The following BRWD1 variants were observed in gnomAD, a reference collection of about 807,000 sequenced individuals.
The protein encoded by BRWD1 is bromodomain and WD repeat-containing protein 1.
A neutral mutation model predicts 251.2 loss-of-function variants in BRWD1; 82 were observed. The ratio of observed to expected loss-of-function variants is 0.33; its 90% CI spans 0.27 to 0.39. The LOEUF is 0.39. Ranked by LOEUF, BRWD1 falls within the 10% of genes least tolerant of loss-of-function variation. The pLI is 1.00. For synonymous variants in BRWD1, 918 were observed against 902.8 expected (o/e 1.02, Z -0.30); for missense variants, 2,233 against 2,711.6 (o/e 0.82, Z 3.92).
intron 12 of BRWD1, among the ~76,000 whole-genome samples, chr21:39,275,950 T>G (rs981089753): frequency 1.3e-5 from 2 of 152,054 alleles, no homozygotes; most frequent in Non-Finnish European, 2.9e-5. Context: ...AAGATTAACT[T>G]GAACCCAAGA....
Position 39,185,484 on chromosome 21 carries a change from A to C in BRWD1, c.*10775T>G, listed in dbSNP as rs2031180714. Reference sequence around the variant, plus strand: ...TCAAAAATCAAACCCCATGCACCTAAAAGTAATAGCAGTTTATTAGGAATT... The same window carrying C: ...TCAAAAATCAAACCCCATGCACCTACAAGTAATAGCAGTTTATTAGGAATT... On this transcript the variant is annotated 3_prime_UTR_variant, in exon 41 of 41. Coordinates refer to ENST00000342449, the MANE Select transcript of BRWD1 (RefSeq NM_033656.4). 6.6e-6 allele frequency: 1 copy of C among 151,716 alleles called. No individual in the cohort carries two copies. Among genetic ancestry groups the C allele is most frequent in the Non-Finnish European group, 1.5e-5 (1 of 67,880 alleles). 9.4% of individuals were successfully genotyped at this position (151,716 alleles called of 1,614,324 possible). A position where few individuals can be genotyped will look rare whatever the true frequency, so the allele number is the denominator to read the frequency against.
Position 39,192,326 on chromosome 21 carries a change from A to G in BRWD1, c.*3933T>C. ...AACATTTGCTAATCTAGTTGGACTC[A>G]GTTTTTCCCACAATGCTCTATTTTC... On this transcript the variant is annotated 3_prime_UTR_variant, in exon 41 of 41. Transcript: ENST00000342449. The G allele has an allele frequency of 6.1e-6, 6 of 985,288 alleles. No homozygotes were observed. The highest frequency in any genetic ancestry group is 7.2e-6 in the Non-Finnish European group (6 of 829,834). The allele number at this position is 985,288 out of a possible 1,614,324, so 61.0% of individuals were successfully genotyped here.
intron 21 of BRWD1, among the ~76,000 whole-genome samples, chr21:39,241,808 C>G (rs1369037512): frequency 6.6e-6 from 1 of 152,140 alleles, no homozygotes; most frequent in East Asian, 1.9e-4. Context: ...ATTCTTGTCT[C>G]TATGTCACAT....
intron 4 of BRWD1, among the ~76,000 whole-genome samples, chr21:39,301,513 C>T (rs1326492654): frequency 2.0e-5 from 3 of 152,130 alleles, no homozygotes; most frequent in African/African-American, 4.8e-5. Context: ...CCGAATCCTG[C>T]CAAAACTACA....
rs1343049873 is a variant in BRWD1, at chr21:39,313,616, TA to T, written c.-126del. On this transcript the variant is annotated 5_prime_UTR_variant, in exon 1 of 41. Coordinates refer to ENST00000342449, the MANE Select transcript of BRWD1 (RefSeq NM_033656.4). ...GCCGCCGCCGCCGCCGCCGCCGCCA[TA>T]CCGTGCGCGCCGCCTGGACCGACGC... 6 of 724,310 alleles carry T rather than the reference TA, an allele frequency of 8.3e-6. No individual in the cohort carries two copies. The highest frequency in any genetic ancestry group is 1.1e-5 in the Non-Finnish European group (6 of 533,824). 44.9% of individuals were successfully genotyped at this position (724,310 alleles called of 1,614,324 possible).
chr21:39,268,399 C>A (rs2146665452), intron 15 of BRWD1, among the ~76,000 whole-genome samples: 1 of 149,964 alleles, frequency 6.7e-6, no homozygotes. Context: ...CCAGATTGTG[C>A]CATTGAACTC....
chr21:39,295,695 C>T, intron 7 of BRWD1, 48 bp downstream of exon 7: 1 of 1,408,412 alleles, frequency 7.1e-7, no homozygotes, highest in Non-Finnish European at 9.5e-7. Flanking sequence ...CTGAAGCACA[C>T]TAAAGTACTC....
Position 39,187,298 on chromosome 21 carries a change from G to A in BRWD1, c.*8961C>T, listed in dbSNP as rs765337070. 7 of 1,613,792 alleles carry A rather than the reference G, an allele frequency of 4.3e-6. No individual in the cohort carries two copies. Among genetic ancestry groups the A allele is most frequent in the African/African-American group, 1.3e-5 (1 of 74,874 alleles). On this transcript the variant is annotated 3_prime_UTR_variant, in exon 41 of 41. Coordinates refer to ENST00000342449, the MANE Select transcript of BRWD1 (RefSeq NM_033656.4). ...GCAGCAACAGTAGCACATCTGCGGG[G>A]AACTTTCTCAGGTACCATTTTTGCT...
upstream of BRWD1, chr21:39,317,313 C>T (rs1441107706): frequency 1.3e-5 from 2 of 152,192 alleles, no homozygotes; most frequent in African/African-American, 2.4e-5. Context: ...AGTTTCACCA[C>T]AAGAAAGCTA....
chr21:39,280,483 C>T (rs944081054), intron 8 of BRWD1, among the ~76,000 whole-genome samples: 1 of 151,986 alleles, frequency 6.6e-6, no homozygotes, highest in Admixed American at 6.6e-5. Flanking sequence ...AAAACTTTAA[C>T]AAGGTGGAGA....
chr21:39,280,070 C>T (rs566755254), intron 9 of BRWD1, 78 bp downstream of exon 9: 2 of 1,072,546 alleles, frequency 1.9e-6, no homozygotes, highest in East Asian at 2.7e-5. Context: ...TTTCTCATAA[C>T]AATAAAACTT....
chr21:39,282,173 G>A (rs2035489661), intron 8 of BRWD1, among the ~76,000 whole-genome samples: 1 of 152,042 alleles, frequency 6.6e-6, no homozygotes. Context: ...TACCCAGGAG[G>A]CTGAGGTTGC....
In BRWD1 at chr21:39,259,486, G is replaced by C. The variant is rs922490270; in HGVS notation, c.1886-814C>G. Among the ~76,000 whole-genome samples the C allele has an allele frequency of 2.4e-4, 36 of 152,090 alleles. 1 individual carries two copies. The highest frequency in any genetic ancestry group is 8.2e-4 in the African/African-American group (34 of 41,490). ...TTTGTATTTCTTTTTTTTCAGTAGAGACAGGGTTTCACCGTGTTAGCCAGG... is the reference window on the plus strand; with the variant it reads ...TTTGTATTTCTTTTTTTTCAGTAGACACAGGGTTTCACCGTGTTAGCCAGG... On this transcript the variant is annotated intron_variant, in intron 17 of 40. Transcript: ENST00000342449.
rs753484614 is a variant in BRWD1 at position 39,206,185 on chromosome 21, A to G, written c.4287T>C (p.Asn1429=). The change falls in exon 37 of 41, where the codon AAT becomes AAC. Residue 1429 remains asparagine (N), a synonymous_variant. Coordinates refer to ENST00000342449, the MANE Select transcript of BRWD1 (RefSeq NM_033656.4). ...ACCTCTGGCTTCTTCGAAGTTTTTC[A>G]TTGAATTTTTGACCAATTTTAAAAT... ...SSDFKIGQKF[N]EKLRRSQRFK... is the part of the protein sequence containing the mutation. 1 of 1,613,536 alleles carries G rather than the reference A, an allele frequency of 6.2e-7. No homozygotes were observed. Among genetic ancestry groups the G allele is most frequent in the Non-Finnish European group, 8.5e-7 (1 of 1,179,800 alleles).
chr21:39,270,164 A>G lies in BRWD1; in HGVS notation c.1395+119T>C, dbSNP rs2035053586. ...ATAATTTATAATTATAAAAATTTCT[A>G]ATCATTTCATAGTTTACATGAGAGA... On this transcript the variant is annotated intron_variant, in intron 14 of 40. Transcript: ENST00000342449. 7.5e-6 allele frequency: 9 copies of G among 1,201,188 alleles called. No individual in the cohort carries two copies. The South Asian group carries it at 2.0e-4, about 26-fold the overall frequency. The allele number at this position is 1,201,188 out of a possible 1,614,324, so 74.4% of individuals were successfully genotyped here.
In BRWD1 at chr21:39,200,274, T is replaced by C. The variant is rs750952981; in HGVS notation, c.4698A>G (p.Leu1566=). The C allele has an allele frequency of 2.5e-6, 4 of 1,614,028 alleles. No individual in the cohort carries two copies. Among genetic ancestry groups the C allele is most frequent in the Non-Finnish European group, 3.4e-6 (4 of 1,180,010 alleles). The part of the protein sequence containing the change: ...RARESSSRSG[L]SRSSNLRVTR... ...TTACCCTGAGATTGCTGCTTCTGGA[T>C]AGCCCACTGCGTGAGGAGGATTCAC... The change falls in exon 39 of 41, where the codon CTA becomes CTG. Residue 1566 remains leucine, a synonymous_variant. Coordinates refer to ENST00000342449, the MANE Select transcript of BRWD1 (RefSeq NM_033656.4).
At position 39,187,621 on chromosome 21, in the gene BRWD1, C is replaced by G. The variant is rs1290049911; in HGVS notation, c.*8638G>C. ...TGCTTATCTACAACTATAAGGATGT[C>G]ACTTAAAACAGTAGCAGACTTGTAA... On this transcript the variant is annotated 3_prime_UTR_variant, in exon 41 of 41. Transcript: ENST00000342449. 3 of 985,144 alleles carry G rather than the reference C, an allele frequency of 3.0e-6. No individual in the cohort carries two copies. The African/African-American group carries it at 5.2e-5, about 17-fold the overall frequency. 61.0% of individuals were successfully genotyped at this position (985,144 alleles called of 1,614,324 possible).
intron 17 of BRWD1, among the ~76,000 whole-genome samples, chr21:39,259,828 A>G (rs2034682567): frequency 6.6e-6 from 1 of 152,138 alleles, no homozygotes; most frequent in Non-Finnish European, 1.5e-5. Context: ...CAAGAGTCAA[A>G]CTGTGTCTCA....
chr21:39,239,476 G>T (rs570294104), intron 21 of BRWD1, among the ~76,000 whole-genome samples: 32 of 152,248 alleles, frequency 2.1e-4, no homozygotes, highest in African/African-American at 7.0e-4. Context: ...GCCAAAGATC[G>T]TTTGAATATA....
Sources: allele counts gnomAD v4.1 joint callset (sites outside exome capture counted in the v4.1 genomes callset), GRCh38; gene constraint gnomAD v4.1.1; transcripts MANE v1.5; gene names NCBI Gene and HGNC (gene_info 2026-07-23, HGNC 2026-07-21).